SPMIP5: variants seen among roughly 807,000 people sequenced by gnomAD.
SPMIP5 encodes the protein sperm-associated microtubule inner protein 5.
At chr10:116,667,655 G>A in the SPMIP5 span, among the ~76,000 whole-genome samples, 1 of 152,222 alleles carries the variant, frequency 6.6e-6, no homozygotes, top group African/African-American at 2.4e-5. Context: ...CACCCACAGG[G>A]ATATGACTTA....
At chr10:116,663,239 G>A in the SPMIP5 span, among the ~76,000 whole-genome samples, 2 of 151,772 alleles carry the variant, frequency 1.3e-5, no homozygotes, top group East Asian at 3.9e-4. Flanking sequence ...CACCCAGGGG[G>A]CCTGGAGTTA....
the SPMIP5 span, chr10:116,668,202 T>C: frequency 1.3e-6 from 2 of 1,532,630 alleles, no homozygotes; most frequent in South Asian, 2.2e-5. Context: ...GCAGGGACAG[T>C]GACCAGGACC....
At chr10:116,664,770 G>A in the SPMIP5 span, 1 of 1,613,896 alleles carries the variant, frequency 6.2e-7, no homozygotes, top group Non-Finnish European at 8.5e-7. Context: ...CTCTTCATAT[G>A]GTTTCAGATG....
the SPMIP5 span, chr10:116,668,433 A>G: frequency 6.4e-6 from 6 of 933,228 alleles, no homozygotes; most frequent in African/African-American, 9.7e-5. Context: ...GACTGCCAGG[A>G]GTTGGGGCTG....
At chr10:116,665,662 T>C in the SPMIP5 span, 2 of 1,614,130 alleles carry the variant, frequency 1.2e-6, no homozygotes, top group Non-Finnish European at 8.5e-7. Flanking sequence ...TGCAGGACCG[T>C]CTCCTCGGAG....
the SPMIP5 span, chr10:116,669,926 C>G: frequency 2.0e-5 from 3 of 152,304 alleles, no homozygotes; most frequent in African/African-American, 7.2e-5. Flanking sequence ...TCAGCGCTCA[C>G]CTGGGCGGGG....
chr10:116,664,565 G>A, the SPMIP5 span: 3 of 1,111,972 alleles, frequency 2.7e-6, no homozygotes, highest in Admixed American at 3.3e-5. Flanking sequence ...GCTGGGGAAT[G>A]CTGAGCACAG....
the SPMIP5 span, among the ~76,000 whole-genome samples, chr10:116,662,335 C>G: frequency 6.6e-6 from 1 of 152,184 alleles, no homozygotes; most frequent in African/African-American, 2.4e-5. Context: ...CTGTTTGCAG[C>G]CAGAGCCACG....
At chr10:116,665,399 C>T in the SPMIP5 span, 12 of 481,134 alleles carry the variant, frequency 2.5e-5, no homozygotes, top group African/African-American at 1.1e-4. Context: ...AGTGAGACTC[C>T]GTCTCAAAAA....
the SPMIP5 span, chr10:116,664,000 G>A: frequency 7.1e-6 from 11 of 1,547,434 alleles, no homozygotes; most frequent in Admixed American, 1.9e-5. Flanking sequence ...ACATGTCAGC[G>A]GAGTTTTGGG....
At chr10:116,664,306 C>A in the SPMIP5 span, 3 of 1,425,532 alleles carry the variant, frequency 2.1e-6, no homozygotes, top group South Asian at 3.8e-5. Context: ...AGTTATGGAC[C>A]TTTTATTAAG....
Sources: gnomAD v4.1 joint callset for allele counts (sites outside exome capture counted in the v4.1 genomes callset) on GRCh38, gnomAD v4.1.1 for gene constraint, MANE v1.5 for transcripts, NCBI Gene and HGNC (gene_info 2026-07-23, HGNC 2026-07-21) for gene names.